NCAPD3: variants seen among roughly 807,000 people sequenced by gnomAD.
The protein encoded by NCAPD3 is non-SMC condensin II complex subunit D3.
A neutral mutation model predicts 182.9 loss-of-function variants in NCAPD3; 105 were observed. The ratio of observed to expected loss-of-function variants is 0.57; its 90% CI spans 0.49 to 0.68. The LOEUF is 0.68. Among genes scored for constraint, NCAPD3 ranks in the 30% least tolerant of loss-of-function variants. NCAPD3 has a pLI of 0.00. For synonymous variants in NCAPD3, 815 were observed against 679.9 expected, an observed-to-expected ratio of 1.20 and a Z score of -3.09; for missense variants, 1,944 against 1,837.0, an observed-to-expected ratio of 1.06 and a Z score of -1.07.
chr11:134,154,547 ACCCCTCCTGGGTGGTGCAGCCTCG>A (rs66872311), intron 32 of NCAPD3, among the ~76,000 whole-genome samples: 56,617 of 93,086 alleles, frequency 0.61, 16,884 homozygotes, highest in East Asian at 0.73. Context: ...GTGCAGCCTC[ACCCCTCCTGGGTGGTGCAGCCTCG>A]CCCCTCCTGG....
chr11:134,222,085 G>A (rs1178490714), intron 1 of NCAPD3, among the ~76,000 whole-genome samples: 1 of 152,196 alleles, frequency 6.6e-6, no homozygotes, highest in Non-Finnish European at 1.5e-5. Flanking sequence ...AACTGGCCCT[G>A]TTATCTACCA....
At chr11:134,205,957 C>T (rs1937602908) in intron 8 of NCAPD3, among the ~76,000 whole-genome samples, 1 of 151,080 alleles carries the variant, frequency 6.6e-6, no homozygotes, top group Admixed American at 6.6e-5. Flanking sequence ...ACATGCACAC[C>T]ATGTCTCGGC....
At chr11:134,165,539 TAGG>T (rs1360260376) in intron 27 of NCAPD3, among the ~76,000 whole-genome samples, 2 of 134,104 alleles carry the variant, frequency 1.5e-5, no homozygotes, top group African/African-American at 5.9e-5. Context: ...GAGATGAGCT[TAGG>T]GGAGCAGCAC....
At chr11:134,196,913 T>C (rs1411399669) in intron 13 of NCAPD3, among the ~76,000 whole-genome samples, 1 of 152,158 alleles carries the variant, frequency 6.6e-6, no homozygotes, top group Non-Finnish European at 1.5e-5. Context: ...GGATATAGTT[T>C]GAGTATTTGT....
At chr11:134,164,717 CACTT>C (rs1044796016) in intron 27 of NCAPD3, among the ~76,000 whole-genome samples, 5 of 149,868 alleles carry the variant, frequency 3.3e-5, no homozygotes, top group South Asian at 2.1e-4. Context: ...GCTGTACACT[CACTT>C]GCGACATGAG....
chr11:134,167,594 GCA>G (rs1943882498), intron 27 of NCAPD3, among the ~76,000 whole-genome samples: 1 of 117,444 alleles, frequency 8.5e-6, no homozygotes, highest in Non-Finnish European at 1.7e-5. Context: ...TGGGGGAGGG[GCA>G]CACTCACTAG....
At chr11:134,225,275 C>G, upstream of NCAPD3, 3 of 1,614,106 alleles carry the variant, frequency 1.9e-6, no homozygotes, top group Non-Finnish European at 2.5e-6. Flanking sequence ...GGAAGGTGAG[C>G]CTTGCCCTCA....
Position 134,169,009 on chromosome 11 carries a change from A to G in NCAPD3, c.3147T>C (p.Pro1049=). 6.2e-7 allele frequency: 1 copy of G among 1,614,116 alleles called. No homozygotes were observed. Among genetic ancestry groups the G allele is most frequent in the Non-Finnish European group, 8.5e-7 (1 of 1,179,966 alleles). Reference sequence around the variant, plus strand: ...CAATGAAGTGTTGGAAGAACATGACAGGGTTCCTCTTCAGTAACAGGTGAG... The same window carrying G: ...CAATGAAGTGTTGGAAGAACATGACGGGGTTCCTCTTCAGTAACAGGTGAG... ...CLAHLLLKRN[P]VMFFQHFIEC... Residue 1049 remains proline (P), a synonymous_variant, in exon 25 of 35, where the codon CCT becomes CCC. Transcript: ENST00000534548.
In NCAPD3 at chr11:134,158,039, G is replaced by A; in HGVS notation, c.4063C>T (p.Leu1355=). The A allele has an allele frequency of 6.2e-7, 1 of 1,614,170 alleles. No homozygotes were observed. Among genetic ancestry groups the A allele is most frequent in the African/African-American group, 1.3e-5 (1 of 75,058 alleles). Residue 1355 remains leucine, a synonymous_variant, in exon 31 of 35, where the codon CTG becomes TTG. Transcript: ENST00000534548. ...RPMSLSTIAI[L]NSVKKAVESK... is the part of the protein sequence containing the mutation. The stretch of plus-strand genomic sequence containing the variant: ...TCCACGGCTTTCTTGACAGAATTCA[G>A]GATTGCAATGGTGCTCAGGGACATG...
At chr11:134,163,627 G>A (rs974676261) in intron 27 of NCAPD3, among the ~76,000 whole-genome samples, 1 of 151,362 alleles carries the variant, frequency 6.6e-6, no homozygotes, top group Non-Finnish European at 1.5e-5. Context: ...ATGAACCCAG[G>A]GGGGCAGAGC....
At chr11:134,156,159 C>A (rs1333833485) in intron 32 of NCAPD3, among the ~76,000 whole-genome samples, 2 of 152,216 alleles carry the variant, frequency 1.3e-5, no homozygotes, top group East Asian at 3.9e-4. Context: ...AAGGCCTGGG[C>A]TCAGCGCCCA....
At chr11:134,153,496 CCT>C (rs1943323646) in intron 32 of NCAPD3, 133 bp from the exon 33 acceptor site, 18 of 872,230 alleles carry the variant, frequency 2.1e-5, no homozygotes, top group South Asian at 1.8e-4. Context: ...TCCACTGGAC[CCT>C]GTCCCAGGGC....
chr11:134,168,839 T>G, intron 25 of NCAPD3, 78 bp downstream of exon 25: 1 of 1,526,022 alleles, frequency 6.6e-7, no homozygotes, highest in Non-Finnish European at 8.9e-7. Flanking sequence ...AATCACTACA[T>G]GCAAAGAGCC....
rs755128554 is a variant in NCAPD3 at position 134,192,862 on chromosome 11, C to G, written c.1872G>C (p.Val624=). Residue 624 remains valine, a synonymous_variant, in exon 16 of 35, where the codon GTG becomes GTC. Transcript: ENST00000534548. ...VQIQKAWLRG[V]VPVVMDCEST... ...TCTCGCAGTCCATCACCACCGGGACCACCCCCCGCAACCAGGCTTTCTGGA... is the reference window on the plus strand; with the variant it reads ...TCTCGCAGTCCATCACCACCGGGACGACCCCCCGCAACCAGGCTTTCTGGA... 73 of 1,613,988 alleles carry G rather than the reference C, an allele frequency of 4.5e-5. 1 individual carries two copies. The East Asian group carries it at 1.1e-3, about 25-fold the overall frequency.
chr11:134,186,900 CTGATT>C (rs1220663042), intron 16 of NCAPD3, among the ~76,000 whole-genome samples: 2 of 152,182 alleles, frequency 1.3e-5, no homozygotes, highest in Non-Finnish European at 1.5e-5. Flanking sequence ...TGATTTATGT[CTGATT>C]TATGTCCAAA....
In NCAPD3 at chr11:134,204,457, A is replaced by C. The variant is rs1170989952; in HGVS notation, c.1090-286T>G. Among the ~76,000 whole-genome samples, 1 of 152,206 alleles carries C rather than the reference A, an allele frequency of 6.6e-6. No homozygotes were observed. ...GTTCAAATTAAGAATCATTTGTCTA[A>C]ATGGTTATAAAAATGTAGAGATCAT... On this transcript the variant is annotated intron_variant, in intron 9 of 34. Transcript: ENST00000534548. The surrounding 1 kb of genome is among the most constrained non-coding windows in gnomAD (Gnocchi z 4.3).
chr11:134,169,195 C>T (rs757449623), intron 24 of NCAPD3, 141 bp from the exon 25 acceptor site: 127 of 767,848 alleles, frequency 1.7e-4, no homozygotes, highest in Middle Eastern at 7.8e-4. Flanking sequence ...ACAGTTCCCT[C>T]GGATCCAAAG....
intron 24 of NCAPD3, among the ~76,000 whole-genome samples, chr11:134,172,055 CAA>C (rs1239515342): frequency 1.3e-5 from 2 of 152,146 alleles, no homozygotes; most frequent in African/African-American, 4.8e-5. Context: ...AGTGTGTTGC[CAA>C]AAGTGTTCTG....
In NCAPD3 at chr11:134,168,603, CTG is replaced by C. The variant is rs1437633433; in HGVS notation, c.3240-3_3240-2del. 1 of 1,614,052 alleles carries C rather than the reference CTG, an allele frequency of 6.2e-7. No individual in the cohort carries two copies. ...CTTCAATGAAAACAGCCGCTTCTCT[CTG>C]TGGCAGAACGGGACAAGTTCACTGC... On this transcript the variant is annotated splice_acceptor_variant and splice_polypyrimidine_tract_variant and intron_variant, in intron 25 of 34. Coordinates refer to ENST00000534548, the MANE Select transcript of NCAPD3 (RefSeq NM_015261.3). LOFTEE classifies it high-confidence loss of function.
Sources: allele counts gnomAD v4.1 joint callset (sites outside exome capture counted in the v4.1 genomes callset), GRCh38; gene constraint gnomAD v4.1.1; non-coding constraint Gnocchi (gnomAD v3.1); transcripts MANE v1.5; gene names NCBI Gene and HGNC (gene_info 2026-07-23, HGNC 2026-07-21).